CNTNAP2: variants seen among roughly 807,000 people sequenced by gnomAD.
CNTNAP2 encodes contactin-associated protein-like 2.
Under a neutral mutation model 155.2 loss-of-function variants are expected in CNTNAP2, and 98 were observed. That is an observed-to-expected ratio of 0.63 (90% CI 0.54 to 0.75). CNTNAP2 has a LOEUF of 0.75. Ranked by LOEUF, CNTNAP2 falls within the 30% of genes least tolerant of loss-of-function variation. CNTNAP2 has a pLI of 0.00. For synonymous variants in CNTNAP2, 651 were observed against 631.2 expected (o/e 1.03, Z -0.47); for missense variants, 1,727 against 1,688.1 (o/e 1.02, Z -0.40).
intron 14 of CNTNAP2, among the ~76,000 whole-genome samples, chr7:147,973,286 G>A (rs1801368138): frequency 6.6e-6 from 1 of 151,836 alleles, no homozygotes; most frequent in Admixed American, 6.6e-5. Context: ...TTCTTTGAGA[G>A]TTTCACATGC....
chr7:146,577,850 A>G (rs1028281178), intron 1 of CNTNAP2, among the ~76,000 whole-genome samples: 5 of 152,128 alleles, frequency 3.3e-5, no homozygotes, highest in Non-Finnish European at 1.5e-5. Flanking sequence ...AGTGAAAAAA[A>G]GTGAAGAGTT....
At chr7:147,362,382 G>T (rs1284714381) in intron 9 of CNTNAP2, among the ~76,000 whole-genome samples, 1 of 152,100 alleles carries the variant, frequency 6.6e-6, no homozygotes, top group African/African-American at 2.4e-5. Context: ...AGATCCTCCT[G>T]CCTCGGCCAC....
intron 16 of CNTNAP2, among the ~76,000 whole-genome samples, chr7:148,123,936 G>T (rs943439081): frequency 6.6e-6 from 1 of 152,208 alleles, no homozygotes; most frequent in African/African-American, 2.4e-5. Context: ...ACATGTAGAG[G>T]TCACGGTCAA....
chr7:147,811,572 T>C (rs988220607), intron 13 of CNTNAP2, among the ~76,000 whole-genome samples: 2 of 152,144 alleles, frequency 1.3e-5, no homozygotes, highest in Admixed American at 6.5e-5. Context: ...AAGTGCCAAA[T>C]TGAAAATTTT....
rs386411606 is a variant in CNTNAP2 at position 147,950,364 on chromosome 7, CAAAAAAAAAA to C, written c.2256-27478_2256-27469del. Among the ~76,000 whole-genome samples, 51 of 55,780 alleles carry C rather than the reference CAAAAAAAAAA, an allele frequency of 9.1e-4. 1 individual carries two copies. The highest frequency in any genetic ancestry group is 3.8e-3 in the African/African-American group (39 of 10,154). 36.6% of individuals were successfully genotyped at this position (55,780 alleles called of 152,430 possible). A position where few individuals can be genotyped will look rare whatever the true frequency, so the allele number is the denominator to read the frequency against. ...AGCTTAAGCTATACACATAGAGAGG[CAAAAAAAAAA>C]AAAAAAAAAAAAAAAAAAAGACCTT... On this transcript the variant is annotated intron_variant, in intron 14 of 23. Transcript: ENST00000361727.
intron 1 of CNTNAP2, among the ~76,000 whole-genome samples, chr7:146,504,635 G>C (rs763231237): frequency 3.9e-5 from 6 of 152,180 alleles, no homozygotes; most frequent in Non-Finnish European, 8.8e-5. Context: ...CCTGCTCCAG[G>C]GATGGTTAAT....
At position 146,901,033 on chromosome 7, in the gene CNTNAP2, A is replaced by G. The variant is rs199894761; in HGVS notation, c.402+61129A>G. 3.5e-3 allele frequency among the ~76,000 whole-genome samples: 258 copies of G among 74,534 alleles called. 2 individuals are homozygous for G. Among genetic ancestry groups the G allele is most frequent in the African/African-American group, 8.6e-3 (207 of 24,108 alleles). 48.9% of individuals were successfully genotyped at this position (74,534 alleles called of 152,430 possible). A position where few individuals can be genotyped will look rare whatever the true frequency, so the allele number is the denominator to read the frequency against. On this transcript the variant is annotated intron_variant, in intron 3 of 23. Coordinates refer to ENST00000361727, the MANE Select transcript of CNTNAP2 (RefSeq NM_014141.6). ...CAATGCTATTCTGATTAAAGTAGTA[A>G]TAATAATAATAATAATAATAATAAT... is the stretch of plus-strand genomic sequence containing the variant.
intron 9 of CNTNAP2, among the ~76,000 whole-genome samples, chr7:147,322,522 T>C (rs189941212): frequency 3.9e-4 from 59 of 152,046 alleles, no homozygotes; most frequent in African/African-American, 1.3e-3. Flanking sequence ...TCAAGGATAT[T>C]GGTCTAAAAT....
chr7:146,382,627 AT>A (rs1563062992), intron 1 of CNTNAP2, among the ~76,000 whole-genome samples: 1 of 152,218 alleles, frequency 6.6e-6, no homozygotes, highest in Non-Finnish European at 1.5e-5. Flanking sequence ...ACATTTAAAA[AT>A]TTTGACACCA....
chr7:146,995,356 C>T (rs530005733), intron 3 of CNTNAP2, among the ~76,000 whole-genome samples: 3 of 152,136 alleles, frequency 2.0e-5, no homozygotes, highest in African/African-American at 7.2e-5. Flanking sequence ...ATACCATTAA[C>T]AAAAGTGTTA....
At chr7:148,303,068 C>T (rs908175494) in intron 21 of CNTNAP2, among the ~76,000 whole-genome samples, 6 of 152,040 alleles carry the variant, frequency 3.9e-5, no homozygotes, top group Non-Finnish European at 8.8e-5. Flanking sequence ...CCACCTTGGC[C>T]TCCCAAAGCA....
chr7:146,348,881 A>G (rs1285634478), intron 1 of CNTNAP2, among the ~76,000 whole-genome samples: 2 of 149,998 alleles, frequency 1.3e-5, no homozygotes, highest in Non-Finnish European at 3.0e-5. Context: ...ATAGTGCATA[A>G]TTTTCAAAGA....
At chr7:147,265,510 C>T (rs1804587049) in intron 8 of CNTNAP2, among the ~76,000 whole-genome samples, 1 of 152,194 alleles carries the variant, frequency 6.6e-6, no homozygotes, top group Non-Finnish European at 1.5e-5. Flanking sequence ...TCTGATCTTC[C>T]TGGGCCTGAG....
At chr7:146,702,158 G>C (rs886904693) in intron 1 of CNTNAP2, among the ~76,000 whole-genome samples, 4 of 152,180 alleles carry the variant, frequency 2.6e-5, no homozygotes, top group African/African-American at 7.2e-5. Context: ...ACTAAAGTTG[G>C]TATCCATTTA....
chr7:147,194,083 C>A (rs1483957280), intron 8 of CNTNAP2, among the ~76,000 whole-genome samples: 4 of 149,482 alleles, frequency 2.7e-5, no homozygotes, highest in African/African-American at 5.0e-5. Context: ...CATCCCCTGA[C>A]CCCCCACCCC....
intron 17 of CNTNAP2, among the ~76,000 whole-genome samples, chr7:148,162,164 G>T (rs555119904): frequency 2.0e-5 from 3 of 152,190 alleles, no homozygotes; most frequent in South Asian, 2.1e-4. Flanking sequence ...AAGCAGGAGA[G>T]GGGGAGGGGG....
At chr7:146,678,278 G>A (rs937971606) in intron 1 of CNTNAP2, among the ~76,000 whole-genome samples, 3 of 151,714 alleles carry the variant, frequency 2.0e-5, no homozygotes, top group Non-Finnish European at 2.9e-5. Flanking sequence ...CACGTTGGCC[G>A]GGCTGGTTTA....
chr7:147,952,257 A>G (rs1173685733), intron 14 of CNTNAP2, among the ~76,000 whole-genome samples: 1 of 42,736 alleles, frequency 2.3e-5, no homozygotes, highest in African/African-American at 5.1e-5. Flanking sequence ...AGCCTGAACA[A>G]CACGGAGAAA....
chr7:147,791,235 CTG>C (rs1395923777), intron 13 of CNTNAP2, among the ~76,000 whole-genome samples: 1 of 151,914 alleles, frequency 6.6e-6, no homozygotes, highest in Non-Finnish European at 1.5e-5. Context: ...ATTTTCATTT[CTG>C]TGTTGATTTT....
Sources: gnomAD v4.1 joint callset for allele counts (sites outside exome capture counted in the v4.1 genomes callset) on GRCh38, gnomAD v4.1.1 for gene constraint, MANE v1.5 for transcripts, NCBI Gene and HGNC (gene_info 2026-07-23, HGNC 2026-07-21) for gene names.